The following PCNT variants were observed in gnomAD, a reference collection of about 807,000 sequenced individuals.
PCNT encodes the protein pericentrin.
Under a neutral mutation model 380.4 loss-of-function variants are expected in PCNT, and 319 were observed. The observed-to-expected ratio is 0.84, with a 90% CI of 0.77 to 0.92. The LOEUF (loss-of-function observed/expected upper bound fraction) is 0.92. Ranked by LOEUF, PCNT falls within the 40% of genes least tolerant of loss-of-function variation. The pLI is 0.00. For missense variants in PCNT, 4,400 were observed against 4,255.3 expected (o/e 1.03, Z -0.95); for synonymous variants, 1,845 against 1,735.2 (o/e 1.06, Z -1.57).
rs770352850 is a variant in PCNT, at chr21:46,431,536, G to T, written c.8072G>T (p.Arg2691Leu). ...SQSAKALEELRASLETQRAQS... is the reference protein window; with the variant it reads ...SQSAKALEELLASLETQRAQS... Reference sequence around the variant, plus strand: ...TATGTGTTTGCTGTCTAGGAGCTGCGGGCGTCTTTGGAGACACAGCGTGCT... The same window carrying T: ...TATGTGTTTGCTGTCTAGGAGCTGCTGGCGTCTTTGGAGACACAGCGTGCT... Residue 2691 changes from arginine (R) to leucine (L), a missense_variant, in exon 38 of 47, where the codon CGG becomes CTG. Transcript: ENST00000359568. 6 of 1,613,868 alleles carry T rather than the reference G, an allele frequency of 3.7e-6. No individual in the cohort carries two copies. The highest frequency in any genetic ancestry group is 5.1e-6 in the Non-Finnish European group (6 of 1,179,940).
chr21:46,431,624 G>C lies in PCNT; in HGVS notation c.8160G>C (p.Lys2720Asn). 6.2e-7 allele frequency: 1 copy of C among 1,614,032 alleles called. No individual in the cohort carries two copies. Among genetic ancestry groups the C allele is most frequent in the Non-Finnish European group, 8.5e-7 (1 of 1,179,940 alleles). Residue 2720 changes from lysine to asparagine, a missense_variant, in exon 38 of 47, where the codon AAG becomes AAC. By Grantham distance (94) the Lys-to-Asn change is moderately conservative. Transcript: ENST00000359568. ...HEQTAKDNLQ[K>N]ELRIEHSRCE... is the part of the protein sequence containing the mutation. ...AGACGGCCAAGGACAACCTGCAGAA[G>C]GAGCTGCGTATCGAGCACTCACGCT... is the stretch of plus-strand genomic sequence containing the variant.
intron 27 of PCNT, among the ~76,000 whole-genome samples, chr21:46,403,599 A>T (rs1267126269): frequency 7.9e-6 from 1 of 126,392 alleles, no homozygotes; most frequent in African/African-American, 2.9e-5. Flanking sequence ...GTGAGTGAAC[A>T]CAGCGTGGGA....
At chr21:46,402,899 AT>A (rs920601540) in intron 27 of PCNT, among the ~76,000 whole-genome samples, 1 of 151,938 alleles carries the variant, frequency 6.6e-6, no homozygotes, top group African/African-American at 2.4e-5. Flanking sequence ...TTAAGAACAA[AT>A]TTTTTTTTAA....
In PCNT at chr21:46,445,420, C is replaced by CACT. The variant is rs1388472908; in HGVS notation, c.*97_*99dup. The CACT allele has an allele frequency of 3.1e-6, 3 of 953,114 alleles. No homozygotes were observed. Among genetic ancestry groups the CACT allele is most frequent in the Non-Finnish European group, 5.2e-6 (3 of 576,104 alleles). 59.0% of individuals were successfully genotyped at this position (953,114 alleles called of 1,614,324 possible). On this transcript the variant is annotated 3_prime_UTR_variant, in exon 47 of 47. Coordinates refer to ENST00000359568, the MANE Select transcript of PCNT (RefSeq NM_006031.6). ...AAGGAAGCTCGTGGGACAGCATGGG[C>CACT]ACTACTCTTCATGTGCGGTGACACC... is the stretch of plus-strand genomic sequence containing the variant.
intron 2 of PCNT, among the ~76,000 whole-genome samples, chr21:46,334,018 A>G (rs2083645897): frequency 6.6e-6 from 1 of 152,066 alleles, no homozygotes; most frequent in South Asian, 2.1e-4. Flanking sequence ...CATCTTGGCT[A>G]ACATGGTGAA....
intron 44 of PCNT, chr21:46,442,791 T>C (rs2053645096): frequency 1.7e-6 from 1 of 602,622 alleles, no homozygotes; most frequent in Non-Finnish European, 3.0e-6. Context: ...CACAGGGGCG[T>C]ACGGCGATGG....
rs1366738750 is a variant in PCNT at position 46,349,058 on chromosome 21, A to G, written c.1079A>G (p.Asn360Ser). ...TCTGAAAAAGATTTATGTTTAGAAAATCTACGCAAAGAACTGTCTGCAAAG... is the reference window on the plus strand; with the variant it reads ...TCTGAAAAAGATTTATGTTTAGAAAGTCTACGCAAAGAACTGTCTGCAAAG... ...WESEKDLCLENLRKELSAKHQ... is the reference protein window; with the variant it reads ...WESEKDLCLESLRKELSAKHQ... Residue 360 changes from asparagine to serine, a missense_variant, in exon 7 of 47, where the codon AAT becomes AGT. Transcript: ENST00000359568. 1.9e-6 allele frequency: 3 copies of G among 1,608,310 alleles called. No homozygotes were observed. Among genetic ancestry groups the G allele is most frequent in the Non-Finnish European group, 2.6e-6 (3 of 1,174,798 alleles).
In PCNT at chr21:46,430,180, G is replaced by A. The variant is rs751860192; in HGVS notation, c.7861G>A (p.Glu2621Lys). 11 of 1,614,060 alleles carry A rather than the reference G, an allele frequency of 6.8e-6. No homozygotes were observed. Among genetic ancestry groups the A allele is most frequent in the Middle Eastern group, 1.7e-4 (1 of 6,050 alleles). The change falls in exon 36 of 47, where the codon GAA becomes AAA. Residue 2621 changes from glutamate (E) to lysine (K), a missense_variant. Glu to Lys is a moderately conservative substitution (Grantham distance 56). Coordinates refer to ENST00000359568, the MANE Select transcript of PCNT (RefSeq NM_006031.6). ...CCTCTGTGAGAGCAGGCAGAAGAGC[G>A]AACAGCTGTCCCGGTCCCTCTGCGA... ...SDLCESRQKS[E>K]QLSRSLCEVQ...
At chr21:46,356,559 G>C (rs963182987) in intron 12 of PCNT, among the ~76,000 whole-genome samples, 7 of 152,176 alleles carry the variant, frequency 4.6e-5, no homozygotes, top group Admixed American at 4.6e-4. Flanking sequence ...CAGGAACCCT[G>C]GCAGGCCCCT....
Position 46,413,047 on chromosome 21 carries a change from A to G in PCNT, c.6150+55A>G, listed in dbSNP as rs971402945. 2.6e-6 allele frequency: 4 copies of G among 1,537,290 alleles called. No homozygotes were observed. In the East Asian group the frequency reaches 7.0e-5, roughly 27 times the overall value. The stretch of plus-strand genomic sequence containing the variant: ...CCCCGGGAGAGGCTGGACACGCGGC[A>G]GCAAGGTGTGGGGAGCGGGGAAGGC... On this transcript the variant is annotated intron_variant, in intron 29 of 46. Transcript: ENST00000359568.
At chr21:46,409,190 C>CTTTTTTTTTTTT in intron 27 of PCNT, among the ~76,000 whole-genome samples, 1 of 123,998 alleles carries the variant, frequency 8.1e-6, no homozygotes, top group Non-Finnish European at 1.6e-5. Flanking sequence ...AAACTTTTTA[C>CTTTTTTTTTTTT]TTTTTTTTTT....
intron 3 of PCNT, among the ~76,000 whole-genome samples, chr21:46,339,411 A>C (rs897951393): frequency 6.6e-6 from 1 of 152,204 alleles, no homozygotes; most frequent in African/African-American, 2.4e-5. Context: ...AAAAGGATAG[A>C]TAGACATATA....
chr21:46,421,904 C>T (rs1404243207), intron 31 of PCNT, 66 bp from the exon 32 acceptor site: 3 of 1,575,064 alleles, frequency 1.9e-6, no homozygotes, highest in Non-Finnish European at 2.6e-6. Flanking sequence ...CCTGCCTCTG[C>T]AGTGCGTCCC....
Position 46,411,428 on chromosome 21 carries a change from G to T in PCNT, c.5355G>T (p.Gly1785=), listed in dbSNP as rs1304304663. 4 of 1,612,750 alleles carry T rather than the reference G, an allele frequency of 2.5e-6. No homozygotes were observed. The highest frequency in any genetic ancestry group is 1.1e-5 in the South Asian group (1 of 91,064). The change falls in exon 28 of 47, where the codon GGG becomes GGT. Residue 1785 remains glycine, a synonymous_variant. Transcript: ENST00000359568. ...LLCSQAGGPR[G]QALQGELEAA... Reference sequence around the variant, plus strand: ...GCTCCCAGGCCGGGGGCCCTCGTGGGCAGGCCCTACAGGGCGAGCTCGAGG... The same window carrying T: ...GCTCCCAGGCCGGGGGCCCTCGTGGTCAGGCCCTACAGGGCGAGCTCGAGG...
intron 25 of PCNT, among the ~76,000 whole-genome samples, chr21:46,400,676 C>T (rs1415669415): frequency 1.3e-5 from 2 of 151,964 alleles, no homozygotes; most frequent in African/African-American, 2.4e-5. Context: ...CGCGCCACCA[C>T]GCCTGGCTAA....
At chr21:46,438,397 C>T in intron 41 of PCNT, 60 bp downstream of exon 41, 3 of 1,505,812 alleles carry the variant, frequency 2.0e-6, no homozygotes, top group Non-Finnish European at 2.8e-6. Flanking sequence ...TCCAGAGCAG[C>T]TCCACCCCAC....
At chr21:46,336,793 G>A (rs536873882) in intron 3 of PCNT, among the ~76,000 whole-genome samples, 41 of 152,068 alleles carry the variant, frequency 2.7e-4, no homozygotes, top group African/African-American at 8.2e-4. Flanking sequence ...CTGTATTTAT[G>A]TTCATTTGTA....
rs938203951 is a variant in PCNT, at chr21:46,445,652, A to G, written c.*325A>G. ...TGCCTCCAAGGAGGATACACAGAGAATGGCTTCCTGTTGTTTTGTTTATTT... is the reference window on the plus strand; with the variant it reads ...TGCCTCCAAGGAGGATACACAGAGAGTGGCTTCCTGTTGTTTTGTTTATTT... On this transcript the variant is annotated 3_prime_UTR_variant, in exon 47 of 47. Coordinates refer to ENST00000359568, the MANE Select transcript of PCNT (RefSeq NM_006031.6). The G allele has an allele frequency of 5.7e-6, 2 of 348,948 alleles. No individual in the cohort carries two copies. The allele number at this position is 348,948 out of a possible 1,614,324, so 21.6% of individuals were successfully genotyped here. A position where few individuals can be genotyped will look rare whatever the true frequency, so the allele number is the denominator to read the frequency against.
At chr21:46,361,989 A>T (rs1213281652) in intron 13 of PCNT, among the ~76,000 whole-genome samples, 1 of 152,038 alleles carries the variant, frequency 6.6e-6, no homozygotes, top group African/African-American at 2.4e-5. Context: ...TGCATCCTGG[A>T]CACTGTGAGT....
Sources: allele counts gnomAD v4.1 joint callset (sites outside exome capture counted in the v4.1 genomes callset), GRCh38; gene constraint gnomAD v4.1.1; transcripts MANE v1.5; gene names NCBI Gene and HGNC (gene_info 2026-07-23, HGNC 2026-07-21).